Variants in ALK observed in about 807,000 individuals in gnomAD.
ALK encodes ALK tyrosine kinase receptor.
Under a neutral mutation model 163.1 loss-of-function variants are expected in ALK, and 74 were observed. The ratio of observed to expected loss-of-function variants is 0.45; its 90% CI spans 0.38 to 0.55. The LOEUF (loss-of-function observed/expected upper bound fraction) is 0.55, where lower values mean the gene tolerates loss of function less well. Among genes scored for constraint, ALK ranks in the 20% least tolerant of loss-of-function variants. ALK has a pLI of 0.00. For synonymous variants in ALK, 960 were observed against 843.2 expected, an observed-to-expected ratio of 1.14 and a Z score of -2.40; for missense variants, 2,063 against 2,105.3, an observed-to-expected ratio of 0.98 and a Z score of 0.39.
chr2:29,321,994 C>T (rs975982595), intron 6 of ALK, among the ~76,000 whole-genome samples: 6 of 152,248 alleles, frequency 3.9e-5, no homozygotes, highest in Non-Finnish European at 7.3e-5. Context: ...AGCTCACTTT[C>T]TCCAGCTCAC....
chr2:29,466,891 A>G (rs1671226708), intron 4 of ALK, among the ~76,000 whole-genome samples: 1 of 152,244 alleles, frequency 6.6e-6, no homozygotes, highest in African/African-American at 2.4e-5. Context: ...TTGTGTTTAC[A>G]CTTGATTGGA....
At chr2:29,908,038 G>A (rs1027371007) in intron 1 of ALK, among the ~76,000 whole-genome samples, 6 of 151,992 alleles carry the variant, frequency 3.9e-5, no homozygotes, top group African/African-American at 1.2e-4. Flanking sequence ...ATAGCTTCAC[G>A]GGGCTCCAAC....
At chr2:29,675,043 C>T (rs550646784) in intron 3 of ALK, among the ~76,000 whole-genome samples, 16 of 151,354 alleles carry the variant, frequency 1.1e-4, no homozygotes, top group South Asian at 4.2e-4. Flanking sequence ...TTTTTTATTG[C>T]GTCTATTTGA....
rs1678425345 is a variant in ALK at position 29,692,404 on chromosome 2, T to C, written c.952+2446A>G. On this transcript the variant is annotated intron_variant, in intron 3 of 28. Transcript: ENST00000389048. ...CTAGAGCAATGGTCCCCAACCTTTT[T>C]GGCATCAAGGACTAGTTTCTTGGAA... 2.6e-5 allele frequency among the ~76,000 whole-genome samples: 4 copies of C among 152,358 alleles called. No individual in the cohort carries two copies. In the South Asian group the frequency reaches 6.2e-4, roughly 24 times the overall value.
chr2:29,913,102 C>A (rs938904095), intron 1 of ALK, among the ~76,000 whole-genome samples: 1 of 151,942 alleles, frequency 6.6e-6, no homozygotes, highest in Non-Finnish European at 1.5e-5. Context: ...CCACTGCATG[C>A]ACCTGTTGTT....
intron 3 of ALK, among the ~76,000 whole-genome samples, chr2:29,670,525 T>C (rs1573542375): frequency 6.6e-6 from 1 of 152,196 alleles, no homozygotes; most frequent in African/African-American, 2.4e-5. Context: ...CTGGTGTTCA[T>C]AGACCTTGGA....
chr2:29,346,423 G>C (rs1667950872), intron 5 of ALK, among the ~76,000 whole-genome samples: 2 of 152,242 alleles, frequency 1.3e-5, no homozygotes, highest in Non-Finnish European at 2.9e-5. Context: ...TCCAAGTGTG[G>C]ACAGCCATGG....
At chr2:29,626,496 G>T (rs1382045580) in intron 3 of ALK, among the ~76,000 whole-genome samples, 2 of 152,212 alleles carry the variant, frequency 1.3e-5, no homozygotes, top group East Asian at 3.8e-4. Context: ...CCCCAGCCAT[G>T]TGGAACTGTG....
At chr2:29,442,568 G>T (rs947870586) in intron 4 of ALK, among the ~76,000 whole-genome samples, 4 of 152,108 alleles carry the variant, frequency 2.6e-5, no homozygotes, top group Non-Finnish European at 5.9e-5. Context: ...CTCTCCCTTA[G>T]CCTTTCTGAG....
chr2:29,452,476 G>A (rs1670847824), intron 4 of ALK, among the ~76,000 whole-genome samples: 1 of 151,868 alleles, frequency 6.6e-6, no homozygotes. Context: ...TTTCATTAAA[G>A]TCATCTCATT....
In ALK at chr2:29,920,000, G is replaced by A. The variant is rs1667944556; in HGVS notation, c.660C>T (p.Phe220=). 9.3e-6 allele frequency: 15 copies of A among 1,613,748 alleles called. No homozygotes were observed. Among genetic ancestry groups the A allele is most frequent in the East Asian group, 2.2e-5 (1 of 44,876 alleles). Reference sequence around the variant, plus strand: ...CAGGCGGGAGCTGCTCACCAGTCCCGAAGATCTGGAAGAGAAGGCGGGGCT... The same window carrying A: ...CAGGCGGGAGCTGCTCACCAGTCCCAAAGATCTGGAAGAGAAGGCGGGGCT... The part of the protein sequence containing the change: ...ASQPRLLFQI[F]GTGHSSLESP... Residue 220 remains phenylalanine, a synonymous_variant, in exon 1 of 29, where the codon TTC becomes TTT. Transcript: ENST00000389048.
At chr2:29,373,824 C>T (rs1185518486) in intron 5 of ALK, among the ~76,000 whole-genome samples, 1 of 152,212 alleles carries the variant, frequency 6.6e-6, no homozygotes, top group Non-Finnish European at 1.5e-5. Flanking sequence ...AAAGACCTCT[C>T]TCCTGCCTCC....
At chr2:29,855,073 G>A (rs1044606743) in intron 1 of ALK, among the ~76,000 whole-genome samples, 2 of 152,084 alleles carry the variant, frequency 1.3e-5, no homozygotes, top group African/African-American at 2.4e-5. Context: ...GGGCAGGGAC[G>A]ATGTCTGTCT....
At chr2:29,503,205 A>C (rs1489744093) in intron 4 of ALK, among the ~76,000 whole-genome samples, 3 of 152,240 alleles carry the variant, frequency 2.0e-5, no homozygotes, top group Non-Finnish European at 4.4e-5. Flanking sequence ...TGAGATAGAT[A>C]GGTAACAAAT....
At chr2:29,902,703 A>G (rs1019200590) in intron 1 of ALK, among the ~76,000 whole-genome samples, 2 of 152,176 alleles carry the variant, frequency 1.3e-5, no homozygotes, top group Admixed American at 6.5e-5. Flanking sequence ...CTTGTGCTCC[A>G]TACTCTGTGG....
Position 29,831,281 on chromosome 2 carries a change from G to T in ALK, c.667+88712C>A, listed in dbSNP as rs868380937. 1.7e-3 allele frequency among the ~76,000 whole-genome samples: 214 copies of T among 122,640 alleles called. 36 individuals carry two copies. Among genetic ancestry groups the T allele is most frequent in the African/African-American group, 6.3e-3 (201 of 31,740 alleles). 80.5% of individuals were successfully genotyped at this position (122,640 alleles called of 152,430 possible). A position where few individuals can be genotyped will look rare whatever the true frequency, so the allele number is the denominator to read the frequency against. On this transcript the variant is annotated intron_variant, in intron 1 of 28. Transcript: ENST00000389048. ...AGAGGAAGAAGAAGAAGAAGAAGAA[G>T]AAGAAGAAGAAGAAGAAGAAGAAGA...
At chr2:29,304,585 A>G (rs1465426775) in intron 8 of ALK, among the ~76,000 whole-genome samples, 1 of 151,790 alleles carries the variant, frequency 6.6e-6, no homozygotes. Flanking sequence ...GACTCATCCC[A>G]TGACCTTTCC....
intron 4 of ALK, among the ~76,000 whole-genome samples, chr2:29,451,263 A>G (rs1670813733): frequency 6.6e-6 from 1 of 152,102 alleles, no homozygotes; most frequent in Admixed American, 6.5e-5. Context: ...TCTGCAGTCC[A>G]TCTCCCCAGC....
chr2:29,529,830 T>C (rs546065430), intron 4 of ALK, among the ~76,000 whole-genome samples: 9 of 152,178 alleles, frequency 5.9e-5, no homozygotes, highest in Non-Finnish European at 1.3e-4. Flanking sequence ...TGAATTTGCC[T>C]CAGCTCAGTC....
Sources: allele counts gnomAD v4.1 joint callset (sites outside exome capture counted in the v4.1 genomes callset), GRCh38; gene constraint gnomAD v4.1.1; transcripts MANE v1.5; gene names NCBI Gene and HGNC (gene_info 2026-07-23, HGNC 2026-07-21).